Variants in COL17A1 observed in about 807,000 individuals in gnomAD.
The protein encoded by COL17A1 is collagen alpha-1(XVII) chain.
In COL17A1, 181 loss-of-function variants were observed where a neutral mutation model predicts 218.4. The ratio of observed to expected loss-of-function variants is 0.83; its 90% CI spans 0.73 to 0.94. The LOEUF is 0.94. Among genes scored for constraint, COL17A1 ranks in the 40% least tolerant of loss-of-function variants. The pLI is 0.00. For missense variants in COL17A1, 1,924 were observed against 1,945.9 expected (o/e 0.99, Z 0.21); for synonymous variants, 721 against 731.0 (o/e 0.99, Z 0.22).
In COL17A1 at chr10:104,055,783, A is replaced by T. The variant is rs768056080; in HGVS notation, c.1686T>A (p.Asn562Lys). 1.2e-6 allele frequency: 2 copies of T among 1,613,766 alleles called. No individual in the cohort carries two copies. The highest frequency in any genetic ancestry group is 1.1e-5 in the South Asian group (1 of 91,068). ...CCCTGTGCCCGGCGATGCTCTCACCATTTTCCTGTTCCATCATTAGCTTCT... is the reference window on the plus strand; with the variant it reads ...CCCTGTGCCCGGCGATGCTCTCACCTTTTTCCTGTTCCATCATTAGCTTCT... Reference protein sequence around the residue: ...VRKKLMMEQENGNLRGSPGPK... With the variant: ...VRKKLMMEQEKGNLRGSPGPK... Residue 562 changes from asparagine to lysine, a missense_variant and splice_region_variant, in exon 18 of 56, where the codon AAT becomes AAA. Asn to Lys is a moderately conservative substitution (Grantham distance 94, BLOSUM62 0). Transcript: ENST00000648076.
intron 55 of COL17A1, 38 bp from the exon 56 acceptor site, chr10:104,032,328 CT>C: frequency 6.3e-7 from 1 of 1,583,696 alleles, no homozygotes. Flanking sequence ...TAAAACATAT[CT>C]TGTGGCCTGT....
rs758200680 is a variant in COL17A1, at chr10:104,032,919, A to C, written c.4344T>G (p.Thr1448=). The change falls in exon 54 of 56, where the codon ACT becomes ACG. Residue 1448 remains threonine (T), a synonymous_variant. Transcript: ENST00000648076. Reference sequence around the variant, plus strand: ...GCCACCACTTACCTTTGGGTCCTGGAGTGCCCATCTCTCCTTTTTGCCCAG... The same window carrying C: ...GCCACCACTTACCTTTGGGTCCTGGCGTGCCCATCTCTCCTTTTTGCCCAG... ...GPPGQKGEMG[T]PGPKGDRGPA... is the part of the protein sequence containing the mutation. 19 of 1,614,060 alleles carry C rather than the reference A, an allele frequency of 1.2e-5. No homozygotes were observed. The highest frequency in any genetic ancestry group is 1.6e-5 in the Non-Finnish European group (19 of 1,180,018).
chr10:104,038,457 TAGAG>T lies in COL17A1; in HGVS notation c.3015_3018del (p.Ile1007AlafsTer58). 1 of 1,613,850 alleles carries T rather than the reference TAGAG, an allele frequency of 6.2e-7. No homozygotes were observed. Among genetic ancestry groups the T allele is most frequent in the Admixed American group, 1.7e-5 (1 of 59,990 alleles). ...TGAATCTCCTGGCCAGAGCTGCTGATAGAGCCCGGAGGCCCAGGGGGCCCAGGGG... is the reference window on the plus strand; with the variant it reads ...TGAATCTCCTGGCCAGAGCTGCTGATCCCGGAGGCCCAGGGGGCCCAGGGG... On this transcript the variant is annotated frameshift_variant, in exon 45 of 56. Transcript: ENST00000648076. LOFTEE classifies it high-confidence loss of function.
intron 1 of COL17A1, among the ~76,000 whole-genome samples, chr10:104,082,531 C>T (rs147376442): frequency 6.6e-6 from 1 of 152,266 alleles, no homozygotes; most frequent in East Asian, 1.9e-4. Flanking sequence ...AGGATGGTAC[C>T]TGAACTGATA....
chr10:104,082,754 T>C (rs1288256037), intron 1 of COL17A1, among the ~76,000 whole-genome samples: 1 of 152,144 alleles, frequency 6.6e-6, no homozygotes, highest in Admixed American at 6.5e-5. Context: ...ACCTGGAAAG[T>C]TTTGCTTGTT....
At chr10:104,062,194 G>T (rs369234221) in intron 12 of COL17A1, 64 bp downstream of exon 12, 1 of 1,613,134 alleles carries the variant, frequency 6.2e-7, no homozygotes, top group Non-Finnish European at 8.5e-7. Context: ...TCCTAATTCA[G>T]TGAGTTGTAG....
intron 35 of COL17A1, 27 bp from the exon 36 acceptor site, chr10:104,042,482 G>C (rs779693448): frequency 1.2e-6 from 2 of 1,612,806 alleles, no homozygotes; most frequent in South Asian, 1.1e-5. Context: ...GGAAGAAAAG[G>C]CTAAATCATG....
At position 104,031,288 on chromosome 10, in the gene COL17A1, T is replaced by C. The variant is rs886046679; in HGVS notation, c.*947A>G. 9.2e-5 allele frequency: 14 copies of C among 152,618 alleles called. No homozygotes were observed. The highest frequency in any genetic ancestry group is 3.1e-4 in the African/African-American group (13 of 41,532). The allele number at this position is 152,618 out of a possible 1,614,324, so 9.5% of individuals were successfully genotyped here. ...CAGACGAATCACATTAAACATGATA[T>C]TAGAAAAAAAAACTTCTTTAATGGG... On this transcript the variant is annotated 3_prime_UTR_variant, in exon 56 of 56. Transcript: ENST00000648076.
rs761199797 is a variant in COL17A1, at chr10:104,045,732, G to T, written c.2398+26C>A. On this transcript the variant is annotated intron_variant, in intron 33 of 55. Transcript: ENST00000648076. ...CACAAAAATGGCCAGTGAAAAGAAA[G>T]AAATCTCATTTGGAAATTCACTTAC... is the stretch of plus-strand genomic sequence containing the variant. The T allele has an allele frequency of 2.9e-5, 47 of 1,597,820 alleles. 3 individuals are homozygous for T. In the Middle Eastern group the frequency reaches 6.8e-3, roughly 231 times the overall value.
chr10:104,055,118 G>C lies in COL17A1; in HGVS notation c.1718-111C>G, dbSNP rs888774391. 17 of 1,554,526 alleles carry C rather than the reference G, an allele frequency of 1.1e-5. No homozygotes were observed. In the Admixed American group the frequency reaches 1.1e-4, roughly 10 times the overall value. ...AGATGTAAACTGTATTTCAAGGTGA[G>C]GCGACATGCGGCGAGTCCCTCCCAG... On this transcript the variant is annotated intron_variant, in intron 19 of 55. Coordinates refer to ENST00000648076, the MANE Select transcript of COL17A1 (RefSeq NM_000494.4).
At chr10:104,042,081 T>C (rs751995059) in intron 36 of COL17A1, among the ~76,000 whole-genome samples, 3 of 152,178 alleles carry the variant, frequency 2.0e-5, no homozygotes, top group Non-Finnish European at 2.9e-5. Flanking sequence ...CCTGGGCTCC[T>C]TAAAGGACCC....
intron 18 of COL17A1, 99 bp downstream of exon 18, chr10:104,055,683 G>T: frequency 6.7e-7 from 1 of 1,502,858 alleles, no homozygotes; most frequent in Non-Finnish European, 9.1e-7. Flanking sequence ...CCGAGAGTGG[G>T]CCGGATGATG....
intron 11 of COL17A1, 28 bp from the exon 12 acceptor site, chr10:104,062,357 T>TAGAGGGAGC: frequency 1.2e-6 from 2 of 1,614,168 alleles, no homozygotes; most frequent in Non-Finnish European, 1.7e-6. Context: ...GTCAGGTGAG[T>TAGAGGGAGC]ACAGGGAGCA....
At chr10:104,055,194 G>A in intron 19 of COL17A1, 178 bp downstream of exon 19, 2 of 1,419,588 alleles carry the variant, frequency 1.4e-6, no homozygotes, top group East Asian at 2.3e-5. Flanking sequence ...CTTAGATGCT[G>A]CCTTATCTAA....
chr10:104,064,582 C>T lies in COL17A1; in HGVS notation c.622G>A (p.Asp208Asn), dbSNP rs142292391. 2.2e-4 allele frequency: 349 copies of T among 1,613,312 alleles called. No individual in the cohort carries two copies. In the African/African-American group the frequency reaches 4.1e-3, roughly 19 times the overall value. ...AGGTTGGCATCCAGGATCGTTGCAT[C>T]GTAGGTGCCTGACACTGGAAACAGA... Reference protein sequence around the residue: ...ASSQSVSGTYDATILDANLPS... With the variant: ...ASSQSVSGTYNATILDANLPS... Residue 208 changes from aspartate to asparagine, a missense_variant, in exon 10 of 56, where the codon GAT (aspartate) becomes AAT (asparagine). By Grantham distance (23) the Asp-to-Asn change is conservative (BLOSUM62 1). Transcript: ENST00000648076.
intron 20 of COL17A1, among the ~76,000 whole-genome samples, chr10:104,054,362 C>T (rs2086499032): frequency 6.6e-6 from 1 of 152,142 alleles, no homozygotes; most frequent in Admixed American, 6.5e-5. Context: ...AACTGGGAGT[C>T]CTGTATTTTA....
At chr10:104,056,378 C>T (rs538871266) in intron 17 of COL17A1, among the ~76,000 whole-genome samples, 4 of 152,106 alleles carry the variant, frequency 2.6e-5, no homozygotes, top group Non-Finnish European at 4.4e-5. Flanking sequence ...GTCAGGAAAT[C>T]GAGACCATCC....
chr10:104,079,755 G>A (rs1278395794), intron 2 of COL17A1, among the ~76,000 whole-genome samples: 2 of 151,990 alleles, frequency 1.3e-5, no homozygotes, highest in East Asian at 1.9e-4. Context: ...GTGAAACCCC[G>A]TCTCTACTAA....
Position 104,034,079 on chromosome 10 carries a change from A to T in COL17A1, c.4022T>A (p.Ile1341Asn). ...AGDRGPYGTD[I>N]GPGGGYGAAA... is the part of the protein sequence containing the mutation. ...TGCCCCATAGCCTCCGCCTGGGCCG[A>T]TGTCAGTGCCATAGGGACCCCTGTC... Residue 1341 changes from isoleucine (I) to asparagine (N), a missense_variant, in exon 52 of 56, where the codon ATC becomes AAC. Transcript: ENST00000648076. 6.2e-7 allele frequency: 1 copy of T among 1,614,070 alleles called. No homozygotes were observed. The highest frequency in any genetic ancestry group is 8.5e-7 in the Non-Finnish European group (1 of 1,180,028).
Sources: gnomAD v4.1 joint callset for allele counts (sites outside exome capture counted in the v4.1 genomes callset) on GRCh38, gnomAD v4.1.1 for gene constraint, MANE v1.5 for transcripts, NCBI Gene and HGNC (gene_info 2026-07-23, HGNC 2026-07-21) for gene names.